Variants in MYO1D observed in about 807,000 individuals in gnomAD.
MYO1D encodes myosin ID.
Under a neutral mutation model 122.0 loss-of-function variants are expected in MYO1D, and 83 were observed. The ratio of observed to expected loss-of-function variants is 0.68; its 90% CI spans 0.57 to 0.82. The LOEUF (loss-of-function observed/expected upper bound fraction) is 0.82, where lower values mean the gene tolerates loss of function less well. MYO1D is among the 40% of genes least tolerant of loss of function. The pLI is 0.00. For synonymous variants in MYO1D, 464 were observed against 446.9 expected (o/e 1.04, Z -0.48); for missense variants, 1,157 against 1,269.5 (o/e 0.91, Z 1.35).
At chr17:32,620,933 G>C (rs896378147) in intron 20 of MYO1D, among the ~76,000 whole-genome samples, 1 of 152,150 alleles carries the variant, frequency 6.6e-6, no homozygotes, top group Non-Finnish European at 1.5e-5. Context: ...TATCCAAAGT[G>C]CTTAGAACCA....
chr17:32,694,587 G>C (rs1450318209), intron 16 of MYO1D, among the ~76,000 whole-genome samples: 1 of 151,248 alleles, frequency 6.6e-6, no homozygotes, highest in Non-Finnish European at 1.5e-5. Context: ...TGTAGTCCCA[G>C]CTACTCGGGA....
intron 14 of MYO1D, chr17:32,727,499 G>A (rs1210811170): frequency 1.3e-5 from 2 of 152,240 alleles, no homozygotes; most frequent in Non-Finnish European, 2.9e-5. Context: ...CATAAGTAAT[G>A]TTGTTAAGTG....
chr17:32,758,830 C>T (rs1421450740), intron 10 of MYO1D, among the ~76,000 whole-genome samples: 1 of 152,156 alleles, frequency 6.6e-6, no homozygotes, highest in Admixed American at 6.5e-5. Flanking sequence ...AGTTAGCCTT[C>T]TGCTCCCTCT....
chr17:32,698,295 CCCCTCT>C (rs1474507010), intron 16 of MYO1D, among the ~76,000 whole-genome samples: 2 of 103,344 alleles, frequency 1.9e-5, no homozygotes, highest in African/African-American at 7.5e-5. Flanking sequence ...CCTCCCTTCC[CCCCTCT>C]CCCTCCCCCT....
At chr17:32,549,051 C>T (rs2086988980) in intron 21 of MYO1D, among the ~76,000 whole-genome samples, 1 of 152,086 alleles carries the variant, frequency 6.6e-6, no homozygotes, top group Non-Finnish European at 1.5e-5. Flanking sequence ...TATACACATA[C>T]ATTTACACTG....
At chr17:32,703,533 A>G (rs2089272672) in intron 16 of MYO1D, among the ~76,000 whole-genome samples, 1 of 151,352 alleles carries the variant, frequency 6.6e-6, no homozygotes, top group East Asian at 1.9e-4. Context: ...CTCCTGCCTT[A>G]GCCTCCTGGG....
chr17:32,777,826 C>T (rs1008779487), intron 3 of MYO1D, among the ~76,000 whole-genome samples: 1 of 151,936 alleles, frequency 6.6e-6, no homozygotes. Context: ...CCCAGCTACT[C>T]GGGAAGCTGA....
intron 20 of MYO1D, among the ~76,000 whole-genome samples, chr17:32,634,778 G>C (rs976893896): frequency 1.3e-5 from 2 of 152,114 alleles, no homozygotes; most frequent in Non-Finnish European, 2.9e-5. Flanking sequence ...GGAGTAGCTG[G>C]GAAGAATCCA....
chr17:32,875,035 T>C (rs2091216751), intron 1 of MYO1D, among the ~76,000 whole-genome samples: 1 of 152,264 alleles, frequency 6.6e-6, no homozygotes, highest in Non-Finnish European at 1.5e-5. Flanking sequence ...CTGAAAATTC[T>C]GCAAAAGCTC....
chr17:32,724,232 T>C (rs1168497702), intron 14 of MYO1D, among the ~76,000 whole-genome samples: 4 of 152,234 alleles, frequency 2.6e-5, no homozygotes, highest in African/African-American at 7.2e-5. Context: ...AATGCCAAAA[T>C]GCTACCAGAT....
intron 13 of MYO1D, among the ~76,000 whole-genome samples, chr17:32,738,915 C>T (rs1199782271): frequency 2.0e-5 from 3 of 152,068 alleles, no homozygotes; most frequent in East Asian, 1.9e-4. Context: ...TATTGTCCCT[C>T]GTAAATCCCT....
At position 32,724,359 on chromosome 17, in the gene MYO1D, C is replaced by T. The variant is rs552642368; in HGVS notation, c.1747-3170G>A. ...TTAGCTAATTTATGAAATGAAGATA[C>T]GGGGGCTTTCTTTGAGTAATGACAG... is the stretch of plus-strand genomic sequence containing the variant. On this transcript the variant is annotated intron_variant, in intron 14 of 21. Coordinates refer to ENST00000318217, the MANE Select transcript of MYO1D (RefSeq NM_015194.3). Among the ~76,000 whole-genome samples the T allele has an allele frequency of 3.3e-5, 5 of 152,222 alleles. No homozygotes were observed. The South Asian group carries it at 6.2e-4, about 19-fold the overall frequency.
At chr17:32,495,166 G>C (rs1432178239) in intron 21 of MYO1D, among the ~76,000 whole-genome samples, 1 of 152,246 alleles carries the variant, frequency 6.6e-6, no homozygotes, top group Non-Finnish European at 1.5e-5. Context: ...GACAGTGGAG[G>C]GCCATGTGGT....
Position 32,649,139 on chromosome 17 carries a change from T to G in MYO1D, c.2595+4704A>C, listed in dbSNP as rs569603526. Among the ~76,000 whole-genome samples the G allele has an allele frequency of 9.2e-5, 14 of 152,358 alleles. No homozygotes were observed. The South Asian group carries it at 2.9e-3, about 32-fold the overall frequency. ...TAAACTCTACACTACTTTATCACTGTTTCTGTTTAAGTAGCCAATTGTGTT... is the reference window on the plus strand; with the variant it reads ...TAAACTCTACACTACTTTATCACTGGTTCTGTTTAAGTAGCCAATTGTGTT... On this transcript the variant is annotated intron_variant, in intron 19 of 21. Coordinates refer to ENST00000318217, the MANE Select transcript of MYO1D (RefSeq NM_015194.3).
Position 32,679,195 on chromosome 17 carries a change from C to T in MYO1D, c.2122-19857G>A, listed in dbSNP as rs200777204. Among the ~76,000 whole-genome samples, 15 of 151,054 alleles carry T rather than the reference C, an allele frequency of 9.9e-5. No individual in the cohort carries two copies. The East Asian group carries it at 2.3e-3, about 23-fold the overall frequency. ...GATGAGTAGGTTGCGAAAATTTTCT[C>T]CCATTTTGTAGGTTGCCTGTTCACT... On this transcript the variant is annotated intron_variant, in intron 16 of 21. Transcript: ENST00000318217.
At chr17:32,612,306 A>G (rs2087711342) in intron 20 of MYO1D, among the ~76,000 whole-genome samples, 1 of 152,214 alleles carries the variant, frequency 6.6e-6, no homozygotes, top group African/African-American at 2.4e-5. Flanking sequence ...CCCTTGGCAG[A>G]GTCTCACCAA....
chr17:32,609,925 TATC>T (rs949951671), intron 20 of MYO1D, among the ~76,000 whole-genome samples: 11 of 152,186 alleles, frequency 7.2e-5, no homozygotes, highest in Non-Finnish European at 1.0e-4. Flanking sequence ...AAATTAAAAA[TATC>T]ATTTTCATTT....
intron 20 of MYO1D, among the ~76,000 whole-genome samples, chr17:32,636,288 T>A (rs2088098438): frequency 1.3e-5 from 2 of 152,218 alleles, no homozygotes; most frequent in Admixed American, 1.3e-4. Flanking sequence ...ATCACTTTCC[T>A]TCATCCCCTC....
At position 32,493,129 on chromosome 17, in the gene MYO1D, G is replaced by A. The variant is rs143520995; in HGVS notation, c.*1630C>T. On this transcript the variant is annotated 3_prime_UTR_variant, in exon 22 of 22. Transcript: ENST00000318217. ...TAGATGGTTCCACTAGTGTCTACTG[G>A]TAATTGGCAAAACTATGAGTGTTGC... The A allele has an allele frequency of 3.7e-4, 56 of 152,594 alleles. No individual in the cohort carries two copies. The highest frequency in any genetic ancestry group is 1.3e-3 in the African/African-American group (55 of 41,584). The allele number at this position is 152,594 out of a possible 1,614,324, so 9.5% of individuals were successfully genotyped here.
Sources: allele counts gnomAD v4.1 joint callset (sites outside exome capture counted in the v4.1 genomes callset), GRCh38; gene constraint gnomAD v4.1.1; transcripts MANE v1.5; gene names NCBI Gene and HGNC (gene_info 2026-07-23, HGNC 2026-07-21).